The following RIF1 variants were observed in gnomAD, a reference collection of about 807,000 sequenced individuals.
The protein encoded by RIF1 is telomere-associated protein RIF1.
RIF1 carries 45 observed loss-of-function variants against 247.1 expected under a neutral mutation model. That is an observed-to-expected ratio of 0.18 (90% CI 0.14 to 0.23). The LOEUF (loss-of-function observed/expected upper bound fraction) is 0.23, where lower values mean the gene tolerates loss of function less well. Among genes scored for constraint, RIF1 ranks in the 10% least tolerant of loss-of-function variants. RIF1 has a pLI of 1.00. For missense variants in RIF1, 2,967 were observed against 2,862.5 expected (o/e 1.04, Z -0.83); for synonymous variants, 1,087 against 978.8 (o/e 1.11, Z -2.06).
At position 151,477,704 on chromosome 2, in the gene RIF1, C is replaced by T. The variant is rs1352466340; in HGVS notation, c.*2633C>T. 1 of 152,894 alleles carries T rather than the reference C, an allele frequency of 6.5e-6. No individual in the cohort carries two copies. Among genetic ancestry groups the T allele is most frequent in the African/African-American group, 2.4e-5 (1 of 41,426 alleles). The allele number at this position is 152,894 out of a possible 1,614,324, so 9.5% of individuals were successfully genotyped here. ...GGATTACAGGCGTGAGCCACCCCAC[C>T]TGGCCATTTTCTTTTTTTTTTGAGG... On this transcript the variant is annotated 3_prime_UTR_variant, in exon 36 of 36. Coordinates refer to ENST00000444746, the MANE Select transcript of RIF1 (RefSeq NM_018151.5).
downstream of RIF1, among the ~76,000 whole-genome samples, chr2:151,512,019 C>CT (rs71403173): frequency 0.01 from 949 of 93,574 alleles, 105 homozygotes; most frequent in African/African-American, 0.017. Flanking sequence ...CCCTCTCACT[C>CT]TTTTTTTTTT....
At chr2:151,486,935 T>C (rs1410005172), downstream of RIF1, among the ~76,000 whole-genome samples, 10 of 152,348 alleles carry the variant, frequency 6.6e-5, no homozygotes, top group East Asian at 1.9e-3. Context: ...ATACAGTTTT[T>C]TTTATGGTGA....
chr2:151,475,222 A>G lies in RIF1; in HGVS notation c.*151A>G. ...CCTGAAGGACAGTGACTTATTATGT[A>G]AGTTCAATTTTGTAAGTTCATTATG... On this transcript the variant is annotated 3_prime_UTR_variant, in exon 36 of 36. Transcript: ENST00000444746. 1 of 622,470 alleles carries G rather than the reference A, an allele frequency of 1.6e-6. No individual in the cohort carries two copies. Among genetic ancestry groups the G allele is most frequent in the South Asian group, 2.0e-5 (1 of 50,180 alleles). 38.6% of individuals were successfully genotyped at this position (622,470 alleles called of 1,614,324 possible). A position where few individuals can be genotyped will look rare whatever the true frequency, so the allele number is the denominator to read the frequency against.
rs747761997 is a variant in RIF1, at chr2:151,411,268, C to T, written c.113C>T (p.Thr38Ile). ...TCTTCCTGCTTTTTAAGTCGTATGACTGGAGAAGAAGGAAAAGAAGTAATT... is the reference window on the plus strand; with the variant it reads ...TCTTCCTGCTTTTTAAGTCGTATGATTGGAGAAGAAGGAAAAGAAGTAATT... Reference protein sequence around the residue: ...DAYLTLTSRMTGEEGKEVITE... With the variant: ...DAYLTLTSRMIGEEGKEVITE... The change falls in exon 3 of 36, where the codon ACT becomes ATT. Residue 38 changes from threonine (T) to isoleucine (I), a missense_variant. Thr to Ile is a moderately conservative substitution (Grantham distance 89, BLOSUM62 -1). Coordinates refer to ENST00000444746, the MANE Select transcript of RIF1 (RefSeq NM_018151.5). 68 of 1,593,284 alleles carry T rather than the reference C, an allele frequency of 4.3e-5. No homozygotes were observed. The highest frequency in any genetic ancestry group is 5.6e-5 in the Non-Finnish European group (65 of 1,168,772).
At position 151,409,957 on chromosome 2, in the gene RIF1, G is replaced by C; in HGVS notation, c.-87G>C. On this transcript the variant is annotated 5_prime_UTR_variant, in exon 1 of 36. Transcript: ENST00000444746. ...CCGCACGCGTGAGTAAACAGCCGGA[G>C]CTGGGAAAGTCGAGCTCTGGCAGCG... 1.4e-6 allele frequency: 1 copy of C among 701,864 alleles called. No homozygotes were observed. The allele number at this position is 701,864 out of a possible 1,614,324, so 43.5% of individuals were successfully genotyped here.
chr2:151,518,245 C>CT, the RIF1 span: 1 of 1,065,176 alleles, frequency 9.4e-7, no homozygotes, highest in South Asian at 1.3e-5. Flanking sequence ...TGGAGGGAAT[C>CT]TATGAAATTT....
chr2:151,423,233 A>G (rs1472409514), intron 8 of RIF1, 191 bp downstream of exon 8: 2 of 511,524 alleles, frequency 3.9e-6, no homozygotes. Flanking sequence ...TCATTTGTAG[A>G]CACCCAAAGT....
At chr2:151,528,268 C>T in the RIF1 span, among the ~76,000 whole-genome samples, 1 of 152,160 alleles carries the variant, frequency 6.6e-6, no homozygotes, top group Non-Finnish European at 1.5e-5. Context: ...TTGGGAGGAG[C>T]CTGCACTATT....
In RIF1 at chr2:151,442,002, TA is replaced by T; in HGVS notation, c.1734+14del. The T allele has an allele frequency of 8.4e-7, 1 of 1,191,376 alleles. No homozygotes were observed. Among genetic ancestry groups the T allele is most frequent in the Non-Finnish European group, 1.2e-6 (1 of 843,654 alleles). 73.8% of individuals were successfully genotyped at this position (1,191,376 alleles called of 1,614,324 possible). A position where few individuals can be genotyped will look rare whatever the true frequency, so the allele number is the denominator to read the frequency against. On this transcript the variant is annotated intron_variant, in intron 16 of 35. Transcript: ENST00000444746. ...ATGGATATTCTTAATGCAAGTATCT[TA>T]AATGTAATATGATGAAGATTGGCCA...
intron 27 of RIF1, among the ~76,000 whole-genome samples, chr2:151,461,734 A>G (rs1328425788): frequency 6.6e-6 from 1 of 152,180 alleles, no homozygotes; most frequent in Non-Finnish European, 1.5e-5. Context: ...CTTTACATAA[A>G]TGCATTTCAT....
intron 33 of RIF1, among the ~76,000 whole-genome samples, chr2:151,469,224 T>C (rs1045650878): frequency 3.9e-5 from 6 of 152,190 alleles, no homozygotes; most frequent in Non-Finnish European, 8.8e-5. Flanking sequence ...TGCGTGCATG[T>C]AGATCGTTCA....
intron 4 of RIF1, among the ~76,000 whole-genome samples, chr2:151,415,149 C>T (rs1366578531): frequency 6.6e-6 from 1 of 151,620 alleles, no homozygotes; most frequent in Non-Finnish European, 1.5e-5. Context: ...AGATCGAGAC[C>T]ATCCTGGCTA....
At position 151,462,452 on chromosome 2, in the gene RIF1, A is replaced by G. The variant is rs773711558; in HGVS notation, c.3349A>G (p.Lys1117Glu). The G allele has an allele frequency of 6.4e-7, 1 of 1,563,788 alleles. No individual in the cohort carries two copies. The part of the protein sequence containing the change: ...TLTRKPKEDS[K>E]MMITEEQMDS... Reference sequence around the variant, plus strand: ...AACCAGAAAACCAAAGGAGGATTCTAAGATGATGATTACGGTATGTTTGAC... The same window carrying G: ...AACCAGAAAACCAAAGGAGGATTCTGAGATGATGATTACGGTATGTTTGAC... The change falls in exon 29 of 36, where the codon AAG (lysine) becomes GAG (glutamate). Residue 1117 changes from lysine (K) to glutamate (E), a missense_variant. By Grantham distance (56) the Lys-to-Glu change is moderately conservative (BLOSUM62 1). Around this residue, in one of 7 missense-constraint regions of RIF1, gnomAD observed 2,028 missense variants for 1,825.6 expected, o/e 1.11. Transcript: ENST00000444746.
In RIF1 at chr2:151,458,884, G is replaced by C; in HGVS notation, c.2929G>C (p.Glu977Gln). The C allele has an allele frequency of 6.2e-7, 1 of 1,609,756 alleles. No homozygotes were observed. The highest frequency in any genetic ancestry group is 8.5e-7 in the Non-Finnish European group (1 of 1,176,772). The change falls in exon 25 of 36, where the codon GAA (glutamate) becomes CAA (glutamine). Residue 977 changes from glutamate (E) to glutamine (Q), a missense_variant. This residue lies in a region of RIF1 where 2,028 missense variants were observed against 1,825.6 expected (regional missense o/e 1.11). Coordinates refer to ENST00000444746, the MANE Select transcript of RIF1 (RefSeq NM_018151.5). ...TTTGGAAACTGTTGAAATGATGGAG[G>C]AATCCAGTGGACCATATTCTGATGG... ...PGLETVEMMEESSGPYSDGTE... is the reference protein window; with the variant it reads ...PGLETVEMMEQSSGPYSDGTE...
At chr2:151,450,547 T>G (rs1221575207) in intron 20 of RIF1, among the ~76,000 whole-genome samples, 1 of 152,146 alleles carries the variant, frequency 6.6e-6, no homozygotes, top group Non-Finnish European at 1.5e-5. Context: ...CTTGAAAATT[T>G]GTGTCAAATG....
At chr2:151,511,237 T>C (rs942184403), downstream of RIF1, among the ~76,000 whole-genome samples, 59 of 152,344 alleles carry the variant, frequency 3.9e-4, no homozygotes, top group African/African-American at 1.4e-3. Flanking sequence ...TTGGAGCCCA[T>C]ATCATTTTGG....
the RIF1 span, chr2:151,514,745 G>T: frequency 1.8e-6 from 2 of 1,089,370 alleles, no homozygotes; most frequent in South Asian, 1.5e-5. Flanking sequence ...AATGGTAGGA[G>T]GAACACATTA....
intron 10 of RIF1, chr2:151,496,481 C>A: frequency 6.8e-7 from 1 of 1,462,374 alleles, no homozygotes; most frequent in East Asian, 2.5e-5. Context: ...GTCCAAGGAG[C>A]CAGAAGTTAT....
intron 7 of RIF1, 30 bp downstream of exon 7, chr2:151,420,409 G>A: frequency 6.2e-7 from 1 of 1,604,370 alleles, no homozygotes. Flanking sequence ...AGAATTTTCT[G>A]GATACTGCAT....
Sources: gnomAD v4.1 joint callset for allele counts (sites outside exome capture counted in the v4.1 genomes callset) on GRCh38, gnomAD v4.1.1 for gene constraint, gnomAD v4.1.1 regional missense constraint, MANE v1.5 for transcripts, NCBI Gene and HGNC (gene_info 2026-07-23, HGNC 2026-07-21) for gene names.